Variants in EYS observed in about 807,000 individuals in gnomAD.
The protein encoded by EYS is protein eyes shut homolog.
EYS carries 250 observed loss-of-function variants against 282.1 expected under a neutral mutation model. The observed-to-expected ratio is 0.89, with a 90% CI of 0.80 to 0.98. The LOEUF is 0.98. Ranked by LOEUF, EYS falls within the 50% of genes least tolerant of loss-of-function variation. The pLI is 0.00. For synonymous variants in EYS, 1,355 were observed against 1,282.9 expected (o/e 1.06, Z -1.20); for missense variants, 4,016 against 3,709.0 (o/e 1.08, Z -2.15).
At chr6:63,835,626 A>T (rs963573073) in intron 36 of EYS, among the ~76,000 whole-genome samples, 1 of 152,090 alleles carries the variant, frequency 6.6e-6, no homozygotes, top group Non-Finnish European at 1.5e-5. Context: ...AATATGGTGC[A>T]GTGTATACTG....
intron 22 of EYS, among the ~76,000 whole-genome samples, chr6:64,692,856 G>A (rs990871120): frequency 2.6e-5 from 4 of 151,474 alleles, no homozygotes; most frequent in Non-Finnish European, 5.9e-5. Flanking sequence ...CTATATGTCC[G>A]TTTTCATTCT....
chr6:65,110,669 A>AT (rs1487519996), intron 12 of EYS, among the ~76,000 whole-genome samples: 1 of 152,022 alleles, frequency 6.6e-6, no homozygotes, highest in Non-Finnish European at 1.5e-5. Flanking sequence ...ATTAAAGTAC[A>AT]TATTTTAAAA....
At chr6:64,041,672 A>G (rs1770397400) in intron 33 of EYS, among the ~76,000 whole-genome samples, 1 of 152,200 alleles carries the variant, frequency 6.6e-6, no homozygotes, top group Non-Finnish European at 1.5e-5. Flanking sequence ...GTACATACCA[A>G]TTTCCCTATG....
intron 26 of EYS, among the ~76,000 whole-genome samples, chr6:64,565,515 G>A (rs1481118740): frequency 2.0e-5 from 3 of 152,028 alleles, no homozygotes; most frequent in Admixed American, 6.5e-5. Flanking sequence ...AATAGACACA[G>A]ACAAAACCAT....
chr6:64,213,049 G>A (rs1765827168), intron 31 of EYS, among the ~76,000 whole-genome samples: 1 of 152,026 alleles, frequency 6.6e-6, no homozygotes, highest in Admixed American at 6.6e-5. Flanking sequence ...TATAAGTGGG[G>A]ATACATAGAG....
At chr6:65,350,872 CACTT>C (rs111411996) in intron 9 of EYS, among the ~76,000 whole-genome samples, 3 of 151,732 alleles carry the variant, frequency 2.0e-5, no homozygotes, top group South Asian at 2.1e-4. Context: ...GCGTGTAAGA[CACTT>C]AATTTAGTTG....
At chr6:64,436,059 T>C (rs923830350) in intron 28 of EYS, 115 bp downstream of exon 28, 2 of 470,484 alleles carry the variant, frequency 4.3e-6, no homozygotes, top group Admixed American at 4.0e-5. Flanking sequence ...TTCATACACA[T>C]GCACATGTTA....
intron 41 of EYS, among the ~76,000 whole-genome samples, chr6:63,754,930 C>T (rs1256382062): frequency 6.6e-6 from 1 of 152,202 alleles, no homozygotes; most frequent in Non-Finnish European, 1.5e-5. Context: ...TTGCATTTCT[C>T]TGATGATCAG....
chr6:65,664,142 T>C (rs574105141), intron 1 of EYS, among the ~76,000 whole-genome samples: 14 of 152,078 alleles, frequency 9.2e-5, no homozygotes, highest in Non-Finnish European at 1.6e-4. Context: ...AGTGCCGGGA[T>C]TACAGGCATG....
At chr6:64,693,623 T>C (rs1583049037) in intron 22 of EYS, among the ~76,000 whole-genome samples, 1 of 152,134 alleles carries the variant, frequency 6.6e-6, no homozygotes, top group South Asian at 2.1e-4. Context: ...CCTCACATCA[T>C]AGGTAAAATT....
chr6:65,227,517 G>A (rs1055799201), intron 12 of EYS, among the ~76,000 whole-genome samples: 1 of 152,090 alleles, frequency 6.6e-6, no homozygotes, highest in Non-Finnish European at 1.5e-5. Flanking sequence ...AGAATATTAA[G>A]ACATAAAATT....
At chr6:65,394,560 C>G (rs919334352) in intron 7 of EYS, among the ~76,000 whole-genome samples, 3 of 152,076 alleles carry the variant, frequency 2.0e-5, no homozygotes, top group Non-Finnish European at 4.4e-5. Flanking sequence ...AAATGTCTAT[C>G]GAGCTCTGTG....
At chr6:65,298,033 T>G (rs1410916554) in intron 11 of EYS, among the ~76,000 whole-genome samples, 1 of 152,070 alleles carries the variant, frequency 6.6e-6, no homozygotes, top group Non-Finnish European at 1.5e-5. Flanking sequence ...CTGTTTGTTA[T>G]TCCATGAAAA....
chr6:65,114,556 G>C (rs1775312722), intron 12 of EYS, among the ~76,000 whole-genome samples: 1 of 151,580 alleles, frequency 6.6e-6, no homozygotes, highest in Admixed American at 6.6e-5. Flanking sequence ...CTGGGATTTA[G>C]TAAGTATCTC....
At chr6:64,222,731 T>C (rs1237903484) in intron 31 of EYS, among the ~76,000 whole-genome samples, 2 of 152,034 alleles carry the variant, frequency 1.3e-5, no homozygotes, top group Non-Finnish European at 2.9e-5. Context: ...AGTGTTTTCT[T>C]TGAAAGACTA....
intron 31 of EYS, among the ~76,000 whole-genome samples, chr6:64,094,274 C>G (rs770488568): frequency 7.3e-5 from 11 of 151,686 alleles, no homozygotes; most frequent in Non-Finnish European, 1.3e-4. Flanking sequence ...CCTTATAAAA[C>G]AAGTTAAGGA....
rs569083924 is a variant in EYS, at chr6:64,440,155, T to C, written c.5645-803A>G. The stretch of plus-strand genomic sequence containing the variant: ...TCTCTTTTAAAACTTTCGAATTATG[T>C]ATTATTTATAACTACTAGAAAATAT... On this transcript the variant is annotated intron_variant, in intron 26 of 42. Transcript: ENST00000503581. Among the ~76,000 whole-genome samples the C allele has an allele frequency of 3.4e-4, 52 of 152,010 alleles. 1 individual carries two copies. The highest frequency in any genetic ancestry group is 7.2e-4 in the Admixed American group (11 of 15,258).
chr6:65,101,447 G>A (rs962585324), intron 12 of EYS, among the ~76,000 whole-genome samples: 4 of 151,196 alleles, frequency 2.6e-5, no homozygotes, highest in South Asian at 4.2e-4. Context: ...TTTATCAACA[G>A]GCCATATGAC....
chr6:64,827,289 T>C (rs562255002), intron 19 of EYS, among the ~76,000 whole-genome samples: 6 of 152,000 alleles, frequency 3.9e-5, no homozygotes, highest in Admixed American at 3.9e-4. Context: ...AAAATTCTAG[T>C]TAATTTTAAA....
Sources: gnomAD v4.1 joint callset for allele counts (sites outside exome capture counted in the v4.1 genomes callset) on GRCh38, gnomAD v4.1.1 for gene constraint, MANE v1.5 for transcripts, NCBI Gene and HGNC (gene_info 2026-07-23, HGNC 2026-07-21) for gene names.